Variants in PIK3C2A observed in about 807,000 individuals in gnomAD.
The protein encoded by PIK3C2A is phosphatidylinositol-4-phosphate 3-kinase catalytic subunit type 2 alpha.
A neutral mutation model predicts 204.5 loss-of-function variants in PIK3C2A; 97 were observed. The observed-to-expected ratio is 0.47, with a 90% CI of 0.40 to 0.56. The LOEUF (loss-of-function observed/expected upper bound fraction) is 0.56. PIK3C2A is among the 20% of genes least tolerant of loss of function. The probability of loss-of-function intolerance (pLI) is 0.00; values close to 1 mark genes in which losing one functional copy is unlikely to be tolerated. For synonymous variants in PIK3C2A, 653 were observed against 664.4 expected, an observed-to-expected ratio of 0.98 and a Z score of 0.26; for missense variants, 1,735 against 1,969.2, an observed-to-expected ratio of 0.88 and a Z score of 2.25.
At chr11:17,164,353 TAAAA>T (rs371924444) in intron 2 of PIK3C2A, among the ~76,000 whole-genome samples, 1 of 134,854 alleles carries the variant, frequency 7.4e-6, no homozygotes, top group Non-Finnish European at 1.6e-5. Flanking sequence ...GACCCTGTCT[TAAAA>T]AAAAAAAAAA....
intron 2 of PIK3C2A, among the ~76,000 whole-genome samples, chr11:17,156,997 A>T (rs1472184483): frequency 6.6e-6 from 1 of 152,156 alleles, no homozygotes; most frequent in Non-Finnish European, 1.5e-5. Flanking sequence ...AATTTTTTAT[A>T]TCAATATAAC....
intron 20 of PIK3C2A, among the ~76,000 whole-genome samples, chr11:17,113,781 C>CAA (rs1283891348): frequency 1.7e-3 from 127 of 76,892 alleles, no homozygotes; most frequent in South Asian, 0.012. Context: ...GACTCCATCT[C>CAA]AAAAAAAAAA....
At chr11:17,178,857 G>C (rs1347509532) in intron 1 of PIK3C2A, among the ~76,000 whole-genome samples, 1 of 151,146 alleles carries the variant, frequency 6.6e-6, no homozygotes, top group South Asian at 2.1e-4. Flanking sequence ...AGCCTCCCGA[G>C]TAGCTGGGAC....
intron 8 of PIK3C2A, among the ~76,000 whole-genome samples, chr11:17,140,167 C>T (rs973711638): frequency 6.6e-6 from 1 of 152,168 alleles, no homozygotes; most frequent in Non-Finnish European, 1.5e-5. Flanking sequence ...GTAATCCTAG[C>T]TACCTGAGAA....
chr11:17,091,490 T>C (rs1262030429), intron 31 of PIK3C2A, 31 bp from the exon 32 acceptor site: 1 of 1,610,350 alleles, frequency 6.2e-7, no homozygotes, highest in Non-Finnish European at 8.5e-7. Flanking sequence ...TTAATAGTAA[T>C]GCTTCCTACC....
intron 11 of PIK3C2A, 70 bp from the exon 12 acceptor site, chr11:17,132,108 A>T: frequency 1.1e-6 from 1 of 891,686 alleles, no homozygotes; most frequent in Non-Finnish European, 1.7e-6. Context: ...CAAATACATT[A>T]GCAGTTCTTC....
intron 24 of PIK3C2A, among the ~76,000 whole-genome samples, chr11:17,101,776 T>A (rs950068020): frequency 1.3e-5 from 2 of 151,896 alleles, no homozygotes; most frequent in East Asian, 3.9e-4. Context: ...GCTAATTTTT[T>A]GTATTTTTAG....
intron 23 of PIK3C2A, 38 bp from the exon 24 acceptor site, chr11:17,102,869 T>C: frequency 7.3e-7 from 1 of 1,373,368 alleles, no homozygotes; most frequent in Non-Finnish European, 1.0e-6. Context: ...GAAAATGAAT[T>C]ATTTTTAAAA....
At chr11:17,156,917 G>A (rs1850614315) in intron 2 of PIK3C2A, among the ~76,000 whole-genome samples, 1 of 152,080 alleles carries the variant, frequency 6.6e-6, no homozygotes, top group Non-Finnish European at 1.5e-5. Flanking sequence ...AATTAAGAGG[G>A]TCACTTGAGC....
intron 21 of PIK3C2A, among the ~76,000 whole-genome samples, chr11:17,111,326 T>C (rs1390171538): frequency 6.6e-6 from 1 of 152,208 alleles, no homozygotes. Flanking sequence ...TTATACAAGA[T>C]ATTACTATGA....
At chr11:17,133,239 A>G (rs1849758123) in intron 11 of PIK3C2A, among the ~76,000 whole-genome samples, 1 of 151,798 alleles carries the variant, frequency 6.6e-6, no homozygotes, top group Admixed American at 6.6e-5. Flanking sequence ...GTCCCTATGT[A>G]TATTTGTGTG....
At chr11:17,105,039 A>C in intron 23 of PIK3C2A, 130 bp downstream of exon 23, 1 of 677,640 alleles carries the variant, frequency 1.5e-6, no homozygotes. Context: ...CTATACTTAG[A>C]AAAAGATGCT....
chr11:17,155,891 T>C (rs964763666), intron 2 of PIK3C2A, among the ~76,000 whole-genome samples: 1 of 152,220 alleles, frequency 6.6e-6, no homozygotes, highest in African/African-American at 2.4e-5. Flanking sequence ...GCTAAAGACC[T>C]TTCCATTCAA....
intron 1 of PIK3C2A, among the ~76,000 whole-genome samples, chr11:17,178,982 G>A (rs1295769785): frequency 1.3e-5 from 2 of 151,408 alleles, no homozygotes; most frequent in Non-Finnish European, 2.9e-5. Context: ...ACCCGCCTCG[G>A]CCTCCCAAAG....
Position 17,168,862 on chromosome 11 carries a change from T to C in PIK3C2A, c.880A>G (p.Asn294Asp). Reference protein sequence around the residue: ...VEVLDHEEEKNVSSLLAKDPW... With the variant: ...VEVLDHEEEKDVSSLLAKDPW... Reference sequence around the variant, plus strand: ...TCCTTTGCTAGCAAACTTGAAACATTTTTCTCTTCCTCATGGTCTAATACC... The same window carrying C: ...TCCTTTGCTAGCAAACTTGAAACATCTTTCTCTTCCTCATGGTCTAATACC... Residue 294 changes from asparagine (N) to aspartate (D), a missense_variant, in exon 2 of 33, where the codon AAT becomes GAT. By Grantham distance (23) the Asn-to-Asp change is conservative. This residue lies in a region of PIK3C2A where 536 missense variants were observed against 546.7 expected (regional missense o/e 0.98). Coordinates refer to ENST00000691414, the MANE Select transcript of PIK3C2A (RefSeq NM_002645.4). 1.9e-6 allele frequency: 3 copies of C among 1,614,130 alleles called. No homozygotes were observed. Among genetic ancestry groups the C allele is most frequent in the African/African-American group, 2.7e-5 (2 of 75,044 alleles).
intron 19 of PIK3C2A, chr11:17,115,641 CTTT>C (rs1429655154): frequency 1.3e-5 from 2 of 151,366 alleles, no homozygotes; most frequent in Non-Finnish European, 2.9e-5. Flanking sequence ...ATGTGGTCAA[CTTT>C]TTTATTTAAA....
chr11:17,183,614 G>A (rs752134818), intron 1 of PIK3C2A, among the ~76,000 whole-genome samples: 1 of 152,266 alleles, frequency 6.6e-6, no homozygotes, highest in Non-Finnish European at 1.5e-5. Context: ...CTGGGAGGCA[G>A]AGGTTGCAGT....
At position 17,088,063 on chromosome 11, in the gene PIK3C2A, C is replaced by T. The variant is rs946923829; in HGVS notation, c.*1675G>A. On this transcript the variant is annotated 3_prime_UTR_variant, in exon 33 of 33. Coordinates refer to ENST00000691414, the MANE Select transcript of PIK3C2A (RefSeq NM_002645.4). ...CTGAATTGGCGATTGTCCTTTCTCT[C>T]TTGGTATTCTTTATTGCATATTTTG... The T allele has an allele frequency of 2.0e-5, 3 of 152,094 alleles. No individual in the cohort carries two copies. The highest frequency in any genetic ancestry group is 6.6e-5 in the Admixed American group (1 of 15,248). 9.4% of individuals were successfully genotyped at this position (152,094 alleles called of 1,614,324 possible). A position where few individuals can be genotyped will look rare whatever the true frequency, so the allele number is the denominator to read the frequency against.
At chr11:17,131,012 C>T (rs1372220178) in intron 12 of PIK3C2A, among the ~76,000 whole-genome samples, 1 of 151,764 alleles carries the variant, frequency 6.6e-6, no homozygotes, top group East Asian at 1.9e-4. Context: ...CATGGTGAAA[C>T]CCCAACTCTA....
Sources: gnomAD v4.1 joint callset for allele counts (sites outside exome capture counted in the v4.1 genomes callset) on GRCh38, gnomAD v4.1.1 for gene constraint, gnomAD v4.1.1 regional missense constraint, MANE v1.5 for transcripts, NCBI Gene and HGNC (gene_info 2026-07-23, HGNC 2026-07-21) for gene names.